The following COL12A1 variants were observed in gnomAD, a reference collection of about 807,000 sequenced individuals.
COL12A1 encodes collagen type XII alpha 1 chain.
In COL12A1, 114 loss-of-function variants were observed where a neutral mutation model predicts 349.7. The ratio of observed to expected loss-of-function variants is 0.33; its 90% CI spans 0.28 to 0.38. COL12A1 has a LOEUF of 0.38. Ranked by LOEUF, COL12A1 falls within the 10% of genes least tolerant of loss-of-function variation. The pLI is 1.00. For synonymous variants in COL12A1, 1,369 were observed against 1,329.0 expected (o/e 1.03, Z -0.66); for missense variants, 3,284 against 3,756.9 (o/e 0.87, Z 3.29).
At chr6:75,168,107 T>C (rs755236635) in intron 13 of COL12A1, among the ~76,000 whole-genome samples, 13 of 152,158 alleles carry the variant, frequency 8.5e-5, no homozygotes, top group African/African-American at 1.4e-4. Context: ...AGGAGAAAGA[T>C]AGTTCAATCG....
intron 1 of COL12A1, among the ~76,000 whole-genome samples, chr6:75,205,024 G>T (rs1205650360): frequency 4.0e-5 from 6 of 151,830 alleles, no homozygotes; most frequent in Admixed American, 2.0e-4. Context: ...TGTTCCGCTC[G>T]CTGAACGAGT....
At chr6:75,190,174 G>A (rs1769854960) in intron 5 of COL12A1, among the ~76,000 whole-genome samples, 1 of 151,836 alleles carries the variant, frequency 6.6e-6, no homozygotes, top group Non-Finnish European at 1.5e-5. Flanking sequence ...TTCTTTACAA[G>A]TACAAATTTT....
chr6:75,109,910 A>G (rs1468841292), intron 51 of COL12A1, among the ~76,000 whole-genome samples: 1 of 152,102 alleles, frequency 6.6e-6, no homozygotes, highest in Non-Finnish European at 1.5e-5. Context: ...CAAATACTCA[A>G]GTAAGCCCTT....
At position 75,175,084 on chromosome 6, in the gene COL12A1, C is replaced by T. The variant is rs756052823; in HGVS notation, c.2664G>A (p.Ala888=). 1.5e-5 allele frequency: 24 copies of T among 1,614,054 alleles called. No homozygotes were observed. The highest frequency in any genetic ancestry group is 1.2e-4 in the South Asian group (11 of 91,088). ...CAAAGAGGGCGTCTCCAGCCCCAGA[C>T]GCATACAAGGCTGTCACAGATAAGG... The part of the protein sequence containing the change: ...QYALSVTALY[A]SGAGDALFGE... The change falls in exon 13 of 66, where the codon GCG becomes GCA. Residue 888 remains alanine (A), a synonymous_variant. Coordinates refer to ENST00000322507, the MANE Select transcript of COL12A1 (RefSeq NM_004370.6).
At chr6:75,135,468 A>G (rs240732) in intron 31 of COL12A1, among the ~76,000 whole-genome samples, 140,179 of 152,232 alleles carry the variant, frequency 0.92, 64,906 homozygotes, top group Non-Finnish European at 0.97. Flanking sequence ...AAGCTTTTCA[A>G]TTTACTCTAA....
At chr6:75,173,870 T>C (rs527576963) in intron 13 of COL12A1, among the ~76,000 whole-genome samples, 1 of 152,288 alleles carries the variant, frequency 6.6e-6, no homozygotes, top group Admixed American at 6.5e-5. Context: ...TACTTCAGAT[T>C]CATTTTCTTC....
intron 12 of COL12A1, among the ~76,000 whole-genome samples, chr6:75,177,223 G>A (rs1222685410): frequency 1.3e-5 from 2 of 152,120 alleles, no homozygotes; most frequent in African/African-American, 4.8e-5. Flanking sequence ...GATCACCTGA[G>A]GTCAGGAGTC....
rs759595683 is a variant in COL12A1, at chr6:75,180,994, C to T, written c.2109G>A (p.Ala703=). 1.2e-5 allele frequency: 20 copies of T among 1,613,950 alleles called. No homozygotes were observed. Among genetic ancestry groups the T allele is most frequent in the African/African-American group, 6.7e-5 (5 of 74,870 alleles). The change falls in exon 11 of 66, where the codon GCG becomes GCA. Residue 703 remains alanine, a synonymous_variant. Coordinates refer to ENST00000322507, the MANE Select transcript of COL12A1 (RefSeq NM_004370.6). ...PETLYLVNVT[A]EYEDGFSIPL... is the part of the protein sequence containing the mutation. Reference sequence around the variant, plus strand: ...GAATGCTGAAGCCATCCTCATACTCCGCAGTCACATTGACCAAATACAAGG... The same window carrying T: ...GAATGCTGAAGCCATCCTCATACTCTGCAGTCACATTGACCAAATACAAGG...
intron 58 of COL12A1, among the ~76,000 whole-genome samples, chr6:75,099,366 A>G (rs980343399): frequency 2.0e-5 from 3 of 152,196 alleles, no homozygotes; most frequent in African/African-American, 7.2e-5. Flanking sequence ...AAAATTCCCT[A>G]TAATATTGCT....
intron 53 of COL12A1, among the ~76,000 whole-genome samples, chr6:75,106,167 A>G (rs565107762): frequency 6.6e-6 from 1 of 152,316 alleles, no homozygotes; most frequent in South Asian, 2.1e-4. Context: ...GGTCTTATCA[A>G]ACACATTAAC....
rs16886240 is a variant in COL12A1, at chr6:75,180,720, C to T, written c.2164+219G>A. ...AATTATCAACAGTTCTCTAGGTCTCCTAACTTCAAATTCATCAAAAGAAGT... is the reference window on the plus strand; with the variant it reads ...AATTATCAACAGTTCTCTAGGTCTCTTAACTTCAAATTCATCAAAAGAAGT... On this transcript the variant is annotated intron_variant, in intron 11 of 65. Transcript: ENST00000322507. Among the ~76,000 whole-genome samples the T allele has an allele frequency of 0.14, 20,536 of 151,900 alleles. 1,889 individuals are homozygous for T. Among genetic ancestry groups the T allele is most frequent in the African/African-American group, 0.24 (10,019 of 41,356 alleles).
At chr6:75,138,709 CA>C in intron 28 of COL12A1, 112 bp downstream of exon 28, 1 of 1,555,316 alleles carries the variant, frequency 6.4e-7, no homozygotes, top group Non-Finnish European at 8.7e-7. Context: ...GTCATGAGCT[CA>C]AATGTCAATA....
At position 75,183,199 on chromosome 6, in the gene COL12A1, C is replaced by G. The variant is rs756803766; in HGVS notation, c.1742G>C (p.Arg581Pro). The G allele has an allele frequency of 6.2e-7, 1 of 1,614,018 alleles. No individual in the cohort carries two copies. Among genetic ancestry groups the G allele is most frequent in the Admixed American group, 1.7e-5 (1 of 59,966 alleles). Residue 581 changes from arginine to proline, a missense_variant, in exon 10 of 66, where the codon CGC becomes CCC. Transcript: ENST00000322507. ...AGAGGCAATAGCTTCCAATTCTGAG[C>G]GAACGGCATCCTTCACACCAACTGC... is the stretch of plus-strand genomic sequence containing the variant. ...IFAVGVKDAV[R>P]SELEAIASPP...
In COL12A1 at chr6:75,141,938, G is replaced by A. The variant is rs115136874; in HGVS notation, c.4957+94C>T. ...CAAGCATTATTAAACACTGGCAAAG[G>A]TAGCATTAAGAAACAAAATGACCCA... On this transcript the variant is annotated intron_variant, in intron 27 of 65. Transcript: ENST00000322507. The A allele has an allele frequency of 8.3e-4, 1,214 of 1,460,956 alleles. 9 individuals carry two copies. In the African/African-American group the frequency reaches 0.015, roughly 18 times the overall value. 90.5% of individuals were successfully genotyped at this position (1,460,956 alleles called of 1,614,324 possible).
In COL12A1 at chr6:75,085,735, A is replaced by G. The variant is rs555962024; in HGVS notation, c.*812T>C. ...ATTCAAAGAACAACTTGGAAAGATG[A>G]GGAGGTGAGGGGAAGTTTCATTGGC... On this transcript the variant is annotated 3_prime_UTR_variant, in exon 66 of 66. Coordinates refer to ENST00000322507, the MANE Select transcript of COL12A1 (RefSeq NM_004370.6). 1.4e-4 allele frequency: 31 copies of G among 217,998 alleles called. No individual in the cohort carries two copies. Among genetic ancestry groups the G allele is most frequent in the African/African-American group, 5.5e-4 (24 of 43,806 alleles). 13.5% of individuals were successfully genotyped at this position (217,998 alleles called of 1,614,324 possible).
intron 60 of COL12A1, among the ~76,000 whole-genome samples, chr6:75,092,252 G>A (rs1329153861): frequency 1.3e-5 from 2 of 152,004 alleles, no homozygotes; most frequent in Non-Finnish European, 2.9e-5. Context: ...GTAGGTGATG[G>A]GTTGATGGGT....
chr6:75,170,527 C>T (rs1187070567), intron 13 of COL12A1, among the ~76,000 whole-genome samples: 1 of 152,198 alleles, frequency 6.6e-6, no homozygotes, highest in Non-Finnish European at 1.5e-5. Context: ...TTAAAAACAA[C>T]TTAACAATTA....
intron 17 of COL12A1, among the ~76,000 whole-genome samples, chr6:75,154,102 A>T (rs1767630700): frequency 6.6e-6 from 1 of 151,774 alleles, no homozygotes; most frequent in Admixed American, 6.6e-5. Context: ...TACATAATTT[A>T]AAATTACTAC....
chr6:75,183,627 T>C lies in COL12A1; in HGVS notation c.1314A>G (p.Lys438=). ...CATCAACCAAAAACACAATATCGGC[T>C]TTTATATCCACACCACGTGAGCATT... ...QVECSRGVDI[K]ADIVFLVDGS... The change falls in exon 10 of 66, where the codon AAA becomes AAG. Residue 438 remains lysine (K), a synonymous_variant. Coordinates refer to ENST00000322507, the MANE Select transcript of COL12A1 (RefSeq NM_004370.6). The C allele has an allele frequency of 6.2e-7, 1 of 1,611,670 alleles. No individual in the cohort carries two copies. The highest frequency in any genetic ancestry group is 2.2e-5 in the East Asian group (1 of 44,868).
Sources: allele counts gnomAD v4.1 joint callset (sites outside exome capture counted in the v4.1 genomes callset), GRCh38; gene constraint gnomAD v4.1.1; transcripts MANE v1.5; gene names NCBI Gene and HGNC (gene_info 2026-07-23, HGNC 2026-07-21).